The following NAGK variants were observed in gnomAD, a reference collection of about 807,000 sequenced individuals.
The protein encoded by NAGK is N-acetyl-D-glucosamine kinase.
A neutral mutation model predicts 42.9 loss-of-function variants in NAGK; 35 were observed. The observed-to-expected ratio is 0.82, with a 90% confidence interval of 0.62 to 1.08. The LOEUF is 1.08. NAGK is among the 50% of genes least tolerant of loss of function. The pLI is 0.00. For missense variants in NAGK, 446 were observed against 446.0 expected, an observed-to-expected ratio of 1.00 and a Z score of 0.00; for synonymous variants, 172 against 176.0, an observed-to-expected ratio of 0.98 and a Z score of 0.18.
At chr2:71,078,051 C>T (rs1382760369) in intron 9 of NAGK, among the ~76,000 whole-genome samples, 1 of 152,178 alleles carries the variant, frequency 6.6e-6, no homozygotes. Flanking sequence ...ACCGGACATT[C>T]TGAAGTAGCT....
rs895273027 is a variant in NAGK at position 71,072,527 on chromosome 2, C to G, written c.356-114C>G. The G allele has an allele frequency of 1.6e-5, 13 of 809,466 alleles. No individual in the cohort carries two copies. The African/African-American group carries it at 2.2e-4, about 14-fold the overall frequency. 50.1% of individuals were successfully genotyped at this position (809,466 alleles called of 1,614,324 possible). A position where few individuals can be genotyped will look rare whatever the true frequency, so the allele number is the denominator to read the frequency against. ...GGGCTCAGTTTTCTCCTCTACAGGACTGGGTGGTGATTCCCTTGCCTGGGG... is the reference window on the plus strand; with the variant it reads ...GGGCTCAGTTTTCTCCTCTACAGGAGTGGGTGGTGATTCCCTTGCCTGGGG... On this transcript the variant is annotated intron_variant, in intron 4 of 9. Transcript: ENST00000244204.
chr2:71,075,851 G>T, intron 7 of NAGK: 2 of 577,254 alleles, frequency 3.5e-6, no homozygotes, highest in Non-Finnish European at 3.1e-6. Flanking sequence ...TATTACCTGT[G>T]TTTTTTTCTT....
In NAGK at chr2:71,073,275, A is replaced by G. The variant is rs557222766; in HGVS notation, c.467-207A>G. 6.8e-6 allele frequency: 4 copies of G among 590,042 alleles called. No individual in the cohort carries two copies. In the East Asian group the frequency reaches 1.1e-4, roughly 17 times the overall value. The allele number at this position is 590,042 out of a possible 1,614,324, so 36.6% of individuals were successfully genotyped here. A position where few individuals can be genotyped will look rare whatever the true frequency, so the allele number is the denominator to read the frequency against. ...TCACCTATTCTGTTTTCCCCCTCCA[A>G]CTTTCCCTTATCTTGGTCAGTCAGA... On this transcript the variant is annotated intron_variant, in intron 5 of 9. Coordinates refer to ENST00000244204, the MANE Select transcript of NAGK (RefSeq NM_017567.6).
chr2:71,075,755 C>A (rs1324954742), intron 7 of NAGK, 113 bp downstream of exon 7: 1 of 1,038,432 alleles, frequency 9.6e-7, no homozygotes, highest in African/African-American at 1.6e-5. Context: ...CACCAAGTGA[C>A]CTCAGTTCTC....
chr2:71,070,393 C>A, intron 1 of NAGK, 109 bp from the exon 2 acceptor site: 1 of 851,572 alleles, frequency 1.2e-6, no homozygotes, highest in Non-Finnish European at 1.8e-6. Context: ...TTGAGTTTGT[C>A]GAAGCTGTCT....
At chr2:71,077,388 A>G in intron 8 of NAGK, 170 bp from the exon 9 acceptor site, 1 of 630,400 alleles carries the variant, frequency 1.6e-6, no homozygotes, top group Non-Finnish European at 2.8e-6. Flanking sequence ...GCCCTTTACA[A>G]ATGTCTCCTA....
rs575796204 is a variant in NAGK, at chr2:71,079,583, C to G, written c.*1075C>G. 6.6e-6 allele frequency: 1 copy of G among 152,264 alleles called. No homozygotes were observed. Among genetic ancestry groups the G allele is most frequent in the East Asian group, 1.9e-4 (1 of 5,164 alleles). 9.4% of individuals were successfully genotyped at this position (152,264 alleles called of 1,614,324 possible). On this transcript the variant is annotated 3_prime_UTR_variant, in exon 10 of 10. Transcript: ENST00000244204. ...GATCACGAGGTCAGGAGATTGAGACCATCCTGGCTAACACGGTGAAACTCC... is the reference window on the plus strand; with the variant it reads ...GATCACGAGGTCAGGAGATTGAGACGATCCTGGCTAACACGGTGAAACTCC...
chr2:71,068,334 C>A, upstream of NAGK: 1 of 562,342 alleles, frequency 1.8e-6, no homozygotes, highest in South Asian at 4.0e-5. Flanking sequence ...TACAGGCAGG[C>A]AGGTCAGTGA....
At position 71,071,823 on chromosome 2, in the gene NAGK, G is replaced by T. The variant is rs766385531; in HGVS notation, c.351G>T (p.Pro117=). 1 of 1,614,020 alleles carries T rather than the reference G, an allele frequency of 6.2e-7. No homozygotes were observed. The highest frequency in any genetic ancestry group is 8.5e-7 in the Non-Finnish European group (1 of 1,179,960). ...CCGGCTCCATCGCCACAGCTACACC[G>T]GATGGTGAGGAAGTGGAGGGAGGGG... ...DAAGSIATAT[P]DGGVVLISGT... The change falls in exon 4 of 10, where the codon CCG becomes CCT. Residue 117 remains proline (P), a synonymous_variant. Transcript: ENST00000244204.
intron 1 of NAGK, 64 bp from the exon 2 acceptor site, chr2:71,070,438 C>A: frequency 1.4e-6 from 2 of 1,437,404 alleles, no homozygotes; most frequent in Admixed American, 1.7e-5. Context: ...GTGTGGACAG[C>A]ACAAGCTTAG....
chr2:71,078,681 C>T lies in NAGK; in HGVS notation c.*173C>T. The T allele has an allele frequency of 1.3e-6, 1 of 764,368 alleles. No homozygotes were observed. The highest frequency in any genetic ancestry group is 2.0e-6 in the Non-Finnish European group (1 of 499,950). The allele number at this position is 764,368 out of a possible 1,614,324, so 47.3% of individuals were successfully genotyped here. A position where few individuals can be genotyped will look rare whatever the true frequency, so the allele number is the denominator to read the frequency against. ...CAAACACATGTGCTATGTACATCCT[C>T]AGTGCACCTGCCAGCAGATATCCTG... On this transcript the variant is annotated 3_prime_UTR_variant, in exon 10 of 10. Transcript: ENST00000244204.
chr2:71,071,826 T>C lies in NAGK; in HGVS notation c.354T>C (p.Asp118=). 1 of 1,613,896 alleles carries C rather than the reference T, an allele frequency of 6.2e-7. No homozygotes were observed. Among genetic ancestry groups the C allele is most frequent in the Non-Finnish European group, 8.5e-7 (1 of 1,179,920 alleles). The change falls in exon 4 of 10, where the codon GAT becomes GAC. Residue 118 remains aspartate (D), a splice_region_variant and synonymous_variant. Transcript: ENST00000244204. ...AAGSIATATP[D]GGVVLISGTG... ...GCTCCATCGCCACAGCTACACCGGA[T>C]GGTGAGGAAGTGGAGGGAGGGGTGA...
At chr2:71,076,113 G>A (rs778053896) in intron 7 of NAGK, 8 of 184,796 alleles carry the variant, frequency 4.3e-5, no homozygotes, top group Non-Finnish European at 8.0e-5. Context: ...CAGCCTCAGG[G>A]CATTCTAGGG....
intron 3 of NAGK, 147 bp downstream of exon 3, chr2:71,070,986 C>A: frequency 1.3e-6 from 1 of 795,976 alleles, no homozygotes; most frequent in Non-Finnish European, 2.1e-6. Flanking sequence ...CTCACCCAGT[C>A]TCATGGCTTC....
chr2:71,073,384 A>G (rs1290044763), intron 5 of NAGK, 98 bp from the exon 6 acceptor site: 1 of 868,434 alleles, frequency 1.2e-6, no homozygotes, highest in Non-Finnish European at 1.9e-6. Context: ...ATTTGTATAA[A>G]ATTCAAGCAG....
rs1004174310 is a variant in NAGK at position 71,072,682 on chromosome 2, C to T, written c.397C>T (p.Leu133Phe). 6.2e-7 allele frequency: 1 copy of T among 1,614,076 alleles called. No individual in the cohort carries two copies. Among genetic ancestry groups the T allele is most frequent in the Non-Finnish European group, 8.5e-7 (1 of 1,180,008 alleles). The change falls in exon 5 of 10, where the codon CTC becomes TTC. Residue 133 changes from leucine to phenylalanine, a missense_variant. By Grantham distance (22) the Leu-to-Phe change is conservative. Transcript: ENST00000244204. ...ATCTGGAACAGGCTCCAACTGCAGG[C>T]TCATCAACCCTGATGGCTCCGAGAG... is the stretch of plus-strand genomic sequence containing the variant. ...LISGTGSNCR[L>F]INPDGSESGC...
chr2:71,071,502 A>G, intron 3 of NAGK, 184 bp from the exon 4 acceptor site: 1 of 765,516 alleles, frequency 1.3e-6, no homozygotes, highest in Non-Finnish European at 2.0e-6. Context: ...TCCCCAGTCC[A>G]GGTTGTTCTT....
intron 7 of NAGK, chr2:71,076,348 G>A (rs1467670651): frequency 5.1e-6 from 2 of 390,404 alleles, no homozygotes; most frequent in Non-Finnish European, 4.8e-6. Context: ...TTTAGTGGGT[G>A]CTGCCCTCCC....
intron 6 of NAGK, among the ~76,000 whole-genome samples, chr2:71,074,196 A>T (rs1223617906): frequency 6.6e-6 from 1 of 152,154 alleles, no homozygotes; most frequent in Non-Finnish European, 1.5e-5. Flanking sequence ...GATGAGTTTG[A>T]TAGTTACCTG....
Sources: gnomAD v4.1 joint callset for allele counts (sites outside exome capture counted in the v4.1 genomes callset) on GRCh38, gnomAD v4.1.1 for gene constraint, MANE v1.5 for transcripts, NCBI Gene and HGNC (gene_info 2026-07-23, HGNC 2026-07-21) for gene names.